NRXN1: variants seen among roughly 807,000 people sequenced by gnomAD.
NRXN1 encodes neurexin 1, also known as neurexin-1.
Under a neutral mutation model 150.9 loss-of-function variants are expected in NRXN1, and 39 were observed. The ratio of observed to expected loss-of-function variants is 0.26; its 90% CI spans 0.20 to 0.34. The LOEUF (loss-of-function observed/expected upper bound fraction) is 0.34. Among genes scored for constraint, NRXN1 ranks in the 10% least tolerant of loss-of-function variants. The pLI, the probability that NRXN1 is intolerant of heterozygous loss-of-function variation, is 1.00. For missense variants in NRXN1, 1,815 were observed against 1,949.9 expected (o/e 0.93, Z 1.30); for synonymous variants, 924 against 757.0 (o/e 1.22, Z -3.62).
At chr2:50,118,063 C>T (rs1037625031) in intron 18 of NRXN1, among the ~76,000 whole-genome samples, 3 of 152,024 alleles carry the variant, frequency 2.0e-5, no homozygotes, top group South Asian at 4.1e-4. Flanking sequence ...TATGGTTTAG[C>T]AAATGAATGT....
intron 5 of NRXN1, among the ~76,000 whole-genome samples, chr2:50,832,479 C>T (rs554560829): frequency 1.3e-5 from 2 of 152,192 alleles, no homozygotes; most frequent in South Asian, 4.2e-4. Flanking sequence ...ATGGCGAAAC[C>T]TCATCTCTAC....
intron 17 of NRXN1, among the ~76,000 whole-genome samples, chr2:50,341,077 G>A (rs1558559643): frequency 2.0e-5 from 3 of 152,188 alleles, no homozygotes; most frequent in Non-Finnish European, 4.4e-5. Context: ...TGGAGTACAG[G>A]CTTTATGGAA....
At chr2:50,391,740 C>G (rs75795643) in intron 17 of NRXN1, among the ~76,000 whole-genome samples, 4,237 of 152,106 alleles carry the variant, frequency 0.028, 166 homozygotes, top group African/African-American at 0.096. Context: ...TACAAAGCTT[C>G]TAATTTACAC....
intron 5 of NRXN1, among the ~76,000 whole-genome samples, chr2:50,721,597 C>A (rs1318829835): frequency 6.6e-6 from 1 of 152,132 alleles, no homozygotes; most frequent in Non-Finnish European, 1.5e-5. Flanking sequence ...GATACCCAGT[C>A]ACTAATTTTT....
chr2:50,160,415 C>T (rs1217072036), intron 18 of NRXN1, among the ~76,000 whole-genome samples: 1 of 151,906 alleles, frequency 6.6e-6, no homozygotes, highest in East Asian at 1.9e-4. Context: ...GTGATGCATG[C>T]CTGTAATCCC....
At chr2:50,246,873 A>C (rs73930324) in intron 17 of NRXN1, among the ~76,000 whole-genome samples, 3 of 152,074 alleles carry the variant, frequency 2.0e-5, no homozygotes, top group Non-Finnish European at 4.4e-5. Flanking sequence ...CCATTTTAAA[A>C]AGTATGCATC....
At chr2:50,756,166 C>G (rs1701137991) in intron 5 of NRXN1, among the ~76,000 whole-genome samples, 1 of 151,766 alleles carries the variant, frequency 6.6e-6, no homozygotes, top group Non-Finnish European at 1.5e-5. Flanking sequence ...GGATCTTTCT[C>G]TGGTATTGTC....
At chr2:50,560,449 T>TTTATTTAC (rs1440846009) in intron 8 of NRXN1, among the ~76,000 whole-genome samples, 1 of 151,084 alleles carries the variant, frequency 6.6e-6, no homozygotes, top group African/African-American at 2.5e-5. Flanking sequence ...TATTTATTTA[T>TTTATTTAC]TTATTTACTT....
intron 8 of NRXN1, among the ~76,000 whole-genome samples, chr2:50,567,393 G>T (rs1023733394): frequency 2.0e-5 from 3 of 152,066 alleles, no homozygotes; most frequent in African/African-American, 7.2e-5. Context: ...AACTGATGAA[G>T]CCCAAAACAG....
At chr2:50,842,486 C>G (rs750544331) in intron 5 of NRXN1, among the ~76,000 whole-genome samples, 1 of 152,142 alleles carries the variant, frequency 6.6e-6, no homozygotes, top group Non-Finnish European at 1.5e-5. Context: ...TAGCACCAAA[C>G]AGTTATGGGA....
chr2:50,716,543 A>AAATT, intron 5 of NRXN1, among the ~76,000 whole-genome samples: 1 of 152,178 alleles, frequency 6.6e-6, no homozygotes, highest in Admixed American at 6.5e-5. Flanking sequence ...CAAATAAAAC[A>AAATT]AATTACCTTA....
At chr2:50,624,838 G>A (rs955840119) in intron 5 of NRXN1, 3 of 151,888 alleles carry the variant, frequency 2.0e-5, no homozygotes, top group Admixed American at 1.3e-4. Flanking sequence ...CGGCTCTCAC[G>A]AGATGCTAGA....
At chr2:50,228,865 C>G (rs1211711945) in intron 18 of NRXN1, among the ~76,000 whole-genome samples, 1 of 152,066 alleles carries the variant, frequency 6.6e-6, no homozygotes, top group African/African-American at 2.4e-5. Context: ...CCATTCAGGG[C>G]TGTGCTCTGT....
At chr2:50,159,271 A>AT (rs2059220414) in intron 18 of NRXN1, among the ~76,000 whole-genome samples, 1 of 152,130 alleles carries the variant, frequency 6.6e-6, no homozygotes, top group African/African-American at 2.4e-5. Context: ...AAAGACAAAC[A>AT]TTCTGTTTTC....
At chr2:51,007,545 T>C (rs745809721) in intron 2 of NRXN1, among the ~76,000 whole-genome samples, 4 of 151,886 alleles carry the variant, frequency 2.6e-5, no homozygotes, top group Admixed American at 6.6e-5. Context: ...TTTTACCTTT[T>C]GTGTGTGTGT....
At chr2:50,343,671 G>T (rs2077717257) in intron 17 of NRXN1, among the ~76,000 whole-genome samples, 1 of 152,182 alleles carries the variant, frequency 6.6e-6, no homozygotes, top group African/African-American at 2.4e-5. Flanking sequence ...TGCAAACCTT[G>T]TAAGTGACAC....
At chr2:50,522,073 G>A (rs1338344539) in intron 12 of NRXN1, among the ~76,000 whole-genome samples, 1 of 152,114 alleles carries the variant, frequency 6.6e-6, no homozygotes, top group African/African-American at 2.4e-5. Context: ...GAGGAAGGCA[G>A]AGAAGAATAC....
At chr2:50,162,568 T>C (rs1159861274) in intron 18 of NRXN1, among the ~76,000 whole-genome samples, 1 of 151,696 alleles carries the variant, frequency 6.6e-6, no homozygotes, top group East Asian at 1.9e-4. Context: ...GATAAAACCA[T>C]AAAAGTATGA....
chr2:50,869,947 A>C (rs1677515604), intron 5 of NRXN1, among the ~76,000 whole-genome samples: 1 of 151,908 alleles, frequency 6.6e-6, no homozygotes, highest in African/African-American at 2.4e-5. Context: ...TACCATGACA[A>C]GTTTGGGGAA....
Sources: gnomAD v4.1 joint callset for allele counts (sites outside exome capture counted in the v4.1 genomes callset) on GRCh38, gnomAD v4.1.1 for gene constraint, MANE v1.5 for transcripts, NCBI Gene and HGNC (gene_info 2026-07-23, HGNC 2026-07-21) for gene names.